The following C3AR1 variants were observed in gnomAD, a reference collection of about 807,000 sequenced individuals.
C3AR1 encodes the protein complement C3a receptor 1, also known as C3a anaphylatoxin chemotactic receptor.
For synonymous variants in C3AR1, 208 were observed against 225.3 expected, an observed-to-expected ratio of 0.92 and a Z score of 0.69; for missense variants, 579 against 583.5, an observed-to-expected ratio of 0.99 and a Z score of 0.08.
chr12:8,059,116 C>T lies in C3AR1; in HGVS notation c.1070G>A (p.Ser357Asn), dbSNP rs140099434. The T allele has an allele frequency of 1.6e-5, 26 of 1,614,062 alleles. No homozygotes were observed. The African/African-American group carries it at 3.1e-4, about 19-fold the overall frequency. The part of the protein sequence containing the change: ...LPSVIMIACY[S>N]FIVFRMQRGR... ...CCTTTGCATTCGGAAGACAATGAAG[C>T]TGTAACAGGCTATCATGATAACAGA... Residue 357 changes from serine (S) to asparagine (N), a missense_variant, in exon 2 of 2, where the codon AGC becomes AAC. By Grantham distance (46) the Ser-to-Asn change is conservative (BLOSUM62 1). Coordinates refer to ENST00000307637, the MANE Select transcript of C3AR1 (RefSeq NM_004054.4).
chr12:8,065,007 C>T (rs1261773018), intron 1 of C3AR1, among the ~76,000 whole-genome samples: 1 of 151,928 alleles, frequency 6.6e-6, no homozygotes, highest in Non-Finnish European at 1.5e-5. Context: ...AGCCACTGTG[C>T]CCAGCCTACG....
At chr12:8,064,689 CAAA>C (rs59800369) in intron 1 of C3AR1, among the ~76,000 whole-genome samples, 4 of 129,454 alleles carry the variant, frequency 3.1e-5, no homozygotes, top group African/African-American at 1.2e-4. Flanking sequence ...AACTCCATCT[CAAA>C]AAAAAAAAAA....
chr12:8,065,781 A>G (rs1431176891), intron 1 of C3AR1, among the ~76,000 whole-genome samples: 2 of 152,086 alleles, frequency 1.3e-5, no homozygotes, highest in Non-Finnish European at 2.9e-5. Flanking sequence ...AAAAATTATT[A>G]CTAAGTTGAC....
rs141016127 is a variant in C3AR1, at chr12:8,059,277, A to C, written c.909T>G (p.Asn303Lys). ...GTGGTAGCTCAGACTCGTAGAAGGA[A>C]TTGCTAGAAGCGCTAGGGAACAGCT... is the stretch of plus-strand genomic sequence containing the variant. Reference protein sequence around the residue: ...HLKLFPSASSNSFYESELPQG... With the variant: ...HLKLFPSASSKSFYESELPQG... The change falls in exon 2 of 2, where the codon AAT (asparagine) becomes AAG (lysine). Residue 303 changes from asparagine (N) to lysine (K), a missense_variant. Transcript: ENST00000307637. 7 of 1,614,212 alleles carry C rather than the reference A, an allele frequency of 4.3e-6. No individual in the cohort carries two copies. The East Asian group carries it at 1.6e-4, about 36-fold the overall frequency.
intron 1 of C3AR1, among the ~76,000 whole-genome samples, chr12:8,063,623 T>C (rs1947299027): frequency 6.6e-6 from 1 of 152,254 alleles, no homozygotes; most frequent in Non-Finnish European, 1.5e-5. Context: ...TCATATTCTA[T>C]ATGCAATGAC....
chr12:8,062,909 A>T (rs112626788), intron 1 of C3AR1, among the ~76,000 whole-genome samples: 2 of 148,456 alleles, frequency 1.3e-5, no homozygotes, highest in Non-Finnish European at 3.0e-5. Flanking sequence ...TCGGCCTCCC[A>T]AAGTGTTGGG....
At chr12:8,064,645 C>T (rs886512767) in intron 1 of C3AR1, among the ~76,000 whole-genome samples, 9 of 146,750 alleles carry the variant, frequency 6.1e-5, no homozygotes, top group Admixed American at 2.8e-4. Context: ...GCCGAGGTTG[C>T]GCCACTACAC....
At position 8,057,297 on chromosome 12, in the gene C3AR1, G is replaced by A. The variant is rs1220864940; in HGVS notation, c.*1440C>T. Reference sequence around the variant, plus strand: ...ATGGTTGGAGTGTATAGACAAAGTAGAAGAAAAATATGTGGTCATGAATGA... The same window carrying A: ...ATGGTTGGAGTGTATAGACAAAGTAAAAGAAAAATATGTGGTCATGAATGA... On this transcript the variant is annotated 3_prime_UTR_variant, in exon 2 of 2. Transcript: ENST00000307637. Among the ~76,000 whole-genome samples, 2 of 152,068 alleles carry A rather than the reference G, an allele frequency of 1.3e-5. No individual in the cohort carries two copies. Among genetic ancestry groups the A allele is most frequent in the Non-Finnish European group, 2.9e-5 (2 of 68,008 alleles).
In C3AR1 at chr12:8,059,205, A is replaced by G; in HGVS notation, c.981T>C (p.Asp327=). The change falls in exon 2 of 2, where the codon GAT becomes GAC. Residue 327 remains aspartate, a synonymous_variant. Coordinates refer to ENST00000307637, the MANE Select transcript of C3AR1 (RefSeq NM_004054.4). ...YYNLGQFTDD[D]QVPTPLVAIT... is the part of the protein sequence containing the mutation. ...TTGCCACGAGGGGTGTTGGCACTTG[A>G]TCGTCATCTGTGAATTGGCCTAAAT... 1 of 1,614,214 alleles carries G rather than the reference A, an allele frequency of 6.2e-7. No homozygotes were observed. The highest frequency in any genetic ancestry group is 8.5e-7 in the Non-Finnish European group (1 of 1,180,038).
At chr12:8,063,348 T>G (rs1441487412) in intron 1 of C3AR1, among the ~76,000 whole-genome samples, 5 of 152,180 alleles carry the variant, frequency 3.3e-5, no homozygotes, top group Non-Finnish European at 1.5e-5. Context: ...CGTTTGTTTC[T>G]CAGTCACCTT....
intron 1 of C3AR1, 75 bp from the exon 2 acceptor site, chr12:8,060,270 T>A (rs1947262138): frequency 8.2e-7 from 1 of 1,216,970 alleles, no homozygotes; most frequent in South Asian, 1.5e-5. Flanking sequence ...AGGATTCTAA[T>A]CTTCCCACAT....
chr12:8,059,099 T>C lies in C3AR1; in HGVS notation c.1087A>G (p.Met363Val). 1 of 1,614,168 alleles carries C rather than the reference T, an allele frequency of 6.2e-7. No individual in the cohort carries two copies. The highest frequency in any genetic ancestry group is 8.5e-7 in the Non-Finnish European group (1 of 1,180,042). The change falls in exon 2 of 2, where the codon ATG becomes GTG. Residue 363 changes from methionine (M) to valine (V), a missense_variant. Met to Val is a conservative substitution (Grantham distance 21). Transcript: ENST00000307637. ...IACYSFIVFRMQRGRFAKSQS... is the reference protein window; with the variant it reads ...IACYSFIVFRVQRGRFAKSQS... ...GACTTGGCGAAGCGGCCCCTTTGCATTCGGAAGACAATGAAGCTGTAACAG... is the reference window on the plus strand; with the variant it reads ...GACTTGGCGAAGCGGCCCCTTTGCACTCGGAAGACAATGAAGCTGTAACAG...
chr12:8,058,957 C>A lies in C3AR1; in HGVS notation c.1229G>T (p.Gly410Val). ...ATGATCCCAGGACATCAGAGTTTTCCCCAAGGGAGTTTCTGGGTCAGTAAG... is the reference window on the plus strand; with the variant it reads ...ATGATCCCAGGACATCAGAGTTTTCACCAAGGGAGTTTCTGGGTCAGTAAG... ...SLLTDPETPL[G>V]KTLMSWDHVC... is the part of the protein sequence containing the mutation. Residue 410 changes from glycine to valine, a missense_variant, in exon 2 of 2, where the codon GGG (glycine) becomes GTG (valine). By Grantham distance (109) the Gly-to-Val change is moderately radical (BLOSUM62 -3). Transcript: ENST00000307637. The A allele has an allele frequency of 6.2e-7, 1 of 1,614,124 alleles. No individual in the cohort carries two copies. Among genetic ancestry groups the A allele is most frequent in the Non-Finnish European group, 8.5e-7 (1 of 1,180,010 alleles).
At chr12:8,062,599 C>T (rs182375543) in intron 1 of C3AR1, among the ~76,000 whole-genome samples, 3 of 152,162 alleles carry the variant, frequency 2.0e-5, no homozygotes, top group Non-Finnish European at 4.4e-5. Context: ...AAGGATACTG[C>T]TTTGTTTTGG....
rs1947196992 is a variant in C3AR1, at chr12:8,057,026, C to T, written c.*1711G>A. ...TTTCTGCATATACTTTATAAAAAAT[C>T]TGTAGTCCAGACCCTCACCTCAGCC... is the stretch of plus-strand genomic sequence containing the variant. On this transcript the variant is annotated 3_prime_UTR_variant, in exon 2 of 2. Transcript: ENST00000307637. Among the ~76,000 whole-genome samples, 1 of 152,206 alleles carries T rather than the reference C, an allele frequency of 6.6e-6. No homozygotes were observed. Among genetic ancestry groups the T allele is most frequent in the Admixed American group, 6.5e-5 (1 of 15,280 alleles).
chr12:8,057,847 A>C lies in C3AR1; in HGVS notation c.*890T>G, dbSNP rs1478813140. ...CATTTGGAGCAAGAGGAAGGGAGTAACTAGAATCTTACGAAATTAGAGGTT... is the reference window on the plus strand; with the variant it reads ...CATTTGGAGCAAGAGGAAGGGAGTACCTAGAATCTTACGAAATTAGAGGTT... On this transcript the variant is annotated 3_prime_UTR_variant, in exon 2 of 2. Transcript: ENST00000307637. 2.0e-5 allele frequency among the ~76,000 whole-genome samples: 3 copies of C among 152,158 alleles called. No individual in the cohort carries two copies. Among genetic ancestry groups the C allele is most frequent in the Non-Finnish European group, 4.4e-5 (3 of 68,026 alleles).
rs1591585901 is a variant in C3AR1, at chr12:8,059,132, T to C, written c.1054A>G (p.Met352Val). The C allele has an allele frequency of 3.1e-6, 5 of 1,614,172 alleles. No homozygotes were observed. The African/African-American group carries it at 4.0e-5, about 13-fold the overall frequency. ...ACAATGAAGCTGTAACAGGCTATCATGATAACAGAGGGCAGCAGGAAACCC... is the reference window on the plus strand; with the variant it reads ...ACAATGAAGCTGTAACAGGCTATCACGATAACAGAGGGCAGCAGGAAACCC... Reference protein sequence around the residue: ...VVGFLLPSVIMIACYSFIVFR... With the variant: ...VVGFLLPSVIVIACYSFIVFR... Residue 352 changes from methionine to valine, a missense_variant, in exon 2 of 2, where the codon ATG becomes GTG. Met to Val is a conservative substitution (Grantham distance 21). Transcript: ENST00000307637.
rs764646803 is a variant in C3AR1, at chr12:8,058,809, A to G, written c.1377T>C (p.Ser459=). ...SIQGILEAAF[S]EELTRSTHCP... is the part of the protein sequence containing the mutation. ...AGTGGGTGGAACGTGTGAGCTCCTCACTGAAGGCTGCCTCCAGAATTCCCT... is the reference window on the plus strand; with the variant it reads ...AGTGGGTGGAACGTGTGAGCTCCTCGCTGAAGGCTGCCTCCAGAATTCCCT... Residue 459 remains serine, a synonymous_variant, in exon 2 of 2, where the codon AGT becomes AGC. Transcript: ENST00000307637. The G allele has an allele frequency of 1.9e-6, 3 of 1,614,108 alleles. No individual in the cohort carries two copies. Among genetic ancestry groups the G allele is most frequent in the Non-Finnish European group, 1.7e-6 (2 of 1,179,964 alleles).
At chr12:8,061,833 G>A (rs1245997816) in intron 1 of C3AR1, among the ~76,000 whole-genome samples, 1 of 152,134 alleles carries the variant, frequency 6.6e-6, no homozygotes, top group Admixed American at 6.5e-5. Context: ...TAAGTACACA[G>A]TTCAGTAGTG....
Sources: gnomAD v4.1 joint callset for allele counts (sites outside exome capture counted in the v4.1 genomes callset) on GRCh38, gnomAD v4.1.1 for gene constraint, MANE v1.5 for transcripts, NCBI Gene and HGNC (gene_info 2026-07-23, HGNC 2026-07-21) for gene names.